Variants in PPP1R9A observed in about 807,000 individuals in gnomAD.
PPP1R9A encodes protein phosphatase 1 regulatory subunit 9A.
A neutral mutation model predicts 141.9 loss-of-function variants in PPP1R9A; 59 were observed. The ratio of observed to expected loss-of-function variants is 0.42; its 90% CI spans 0.34 to 0.52. The LOEUF (loss-of-function observed/expected upper bound fraction) is 0.52. PPP1R9A is among the 20% of genes least tolerant of loss of function. PPP1R9A has a pLI of 0.10. For synonymous variants in PPP1R9A, 500 were observed against 569.7 expected (o/e 0.88, Z 1.74); for missense variants, 1,444 against 1,611.9 (o/e 0.90, Z 1.78).
intron 2 of PPP1R9A, among the ~76,000 whole-genome samples, chr7:94,942,217 T>C (rs1351064613): frequency 6.6e-6 from 1 of 152,186 alleles, no homozygotes; most frequent in African/African-American, 2.4e-5. Flanking sequence ...AGCACTAAAG[T>C]CAATTTTGCT....
Position 95,284,263 on chromosome 7 carries a change from C to T in PPP1R9A, c.3542C>T (p.Pro1181Leu), listed in dbSNP as rs753533184. Residue 1181 changes from proline (P) to leucine (L), a missense_variant, in exon 17 of 20, where the codon CCC becomes CTC. Pro to Leu is a moderately conservative substitution (Grantham distance 98). Around this residue, in one of 5 missense-constraint regions of PPP1R9A, gnomAD observed 459 missense variants for 513.8 expected, o/e 0.89. Coordinates refer to ENST00000433360, the MANE Select transcript of PPP1R9A (RefSeq NM_001166160.2). Reference sequence around the variant, plus strand: ...AAAGCAAACAAGAGAAACCCAAATCCCTCCTCTTCTTCAATCTTTGGAAGG... The same window carrying T: ...AAAGCAAACAAGAGAAACCCAAATCTCTCCTCTTCTTCAATCTTTGGAAGG... ...ITKANKRNPN[P>L]SSSSIFGRHS... 14 of 1,572,784 alleles carry T rather than the reference C, an allele frequency of 8.9e-6. No homozygotes were observed. Among genetic ancestry groups the T allele is most frequent in the Non-Finnish European group, 1.2e-5 (14 of 1,156,596 alleles).
intron 2 of PPP1R9A, among the ~76,000 whole-genome samples, chr7:94,913,498 A>G (rs1278539347): frequency 1.3e-5 from 2 of 152,226 alleles, no homozygotes; most frequent in Non-Finnish European, 2.9e-5. Flanking sequence ...TGAAACAAAG[A>G]TAATGTATTG....
intron 12 of PPP1R9A, among the ~76,000 whole-genome samples, chr7:95,257,348 G>A (rs971885514): frequency 5.3e-5 from 8 of 152,086 alleles, no homozygotes; most frequent in African/African-American, 1.7e-4. Flanking sequence ...GTGGGTAAAG[G>A]ATGGACTAAT....
At chr7:95,023,194 T>C (rs1001345791) in intron 2 of PPP1R9A, among the ~76,000 whole-genome samples, 1 of 152,098 alleles carries the variant, frequency 6.6e-6, no homozygotes, top group African/African-American at 2.4e-5. Context: ...AATTCTTCCT[T>C]GTTTAGACTT....
intron 4 of PPP1R9A, among the ~76,000 whole-genome samples, chr7:95,145,515 A>G (rs763636241): frequency 2.0e-5 from 3 of 152,202 alleles, no homozygotes; most frequent in Non-Finnish European, 4.4e-5. Context: ...AAAGTAGCAA[A>G]TATTGTAGAT....
At chr7:95,103,564 T>G (rs1463341321) in intron 2 of PPP1R9A, among the ~76,000 whole-genome samples, 1 of 151,990 alleles carries the variant, frequency 6.6e-6, no homozygotes, top group East Asian at 1.9e-4. Context: ...GAGACGGGGT[T>G]TCACCGTGTT....
intron 2 of PPP1R9A, among the ~76,000 whole-genome samples, chr7:95,098,647 T>C (rs1294339832): frequency 6.6e-6 from 1 of 152,168 alleles, no homozygotes; most frequent in Non-Finnish European, 1.5e-5. Flanking sequence ...GTCCTTGTGT[T>C]GAGAGCCCCT....
chr7:95,065,372 G>C (rs934572326), intron 2 of PPP1R9A, among the ~76,000 whole-genome samples: 3 of 151,236 alleles, frequency 2.0e-5, no homozygotes, highest in African/African-American at 7.3e-5. Context: ...GCCCCAAGTT[G>C]CTTTCATTTT....
At chr7:95,181,381 G>T (rs1398478475) in intron 5 of PPP1R9A, among the ~76,000 whole-genome samples, 19 of 133,486 alleles carry the variant, frequency 1.4e-4, no homozygotes, top group African/African-American at 5.3e-4. Context: ...AATATATAGA[G>T]AGAATAGAGA....
At chr7:94,993,605 CTT>C (rs918996551) in intron 2 of PPP1R9A, among the ~76,000 whole-genome samples, 17 of 151,284 alleles carry the variant, frequency 1.1e-4, no homozygotes, top group Admixed American at 1.3e-4. Flanking sequence ...ATCTTACACA[CTT>C]TTTTTTTGCT....
At chr7:95,192,584 GTT>G (rs999668783) in intron 5 of PPP1R9A, among the ~76,000 whole-genome samples, 5 of 151,912 alleles carry the variant, frequency 3.3e-5, no homozygotes, top group Non-Finnish European at 7.4e-5. Flanking sequence ...CAGATACTTA[GTT>G]TTTTTAAGGA....
chr7:95,092,526 A>G (rs1817497993), intron 2 of PPP1R9A, among the ~76,000 whole-genome samples: 1 of 152,122 alleles, frequency 6.6e-6, no homozygotes, highest in South Asian at 2.1e-4. Context: ...AATCTTGAAC[A>G]GCTGTTTGAA....
chr7:94,981,171 C>T (rs1800060863), intron 2 of PPP1R9A, among the ~76,000 whole-genome samples: 1 of 152,138 alleles, frequency 6.6e-6, no homozygotes, highest in Admixed American at 6.5e-5. Flanking sequence ...ATGTCACATT[C>T]TTTCTGTTGA....
At chr7:95,229,388 A>G (rs975394941) in intron 8 of PPP1R9A, among the ~76,000 whole-genome samples, 1 of 151,964 alleles carries the variant, frequency 6.6e-6, no homozygotes, top group Non-Finnish European at 1.5e-5. Context: ...CCTGGTCATA[A>G]GCTGCCTGGA....
At chr7:95,025,234 T>G (rs1181356216) in intron 2 of PPP1R9A, among the ~76,000 whole-genome samples, 1 of 152,034 alleles carries the variant, frequency 6.6e-6, no homozygotes, top group Non-Finnish European at 1.5e-5. Context: ...GTCTGGCTAA[T>G]TTTTGTATTT....
At chr7:95,034,070 A>G (rs1161042585) in intron 2 of PPP1R9A, among the ~76,000 whole-genome samples, 1 of 152,110 alleles carries the variant, frequency 6.6e-6, no homozygotes, top group African/African-American at 2.4e-5. Flanking sequence ...TTAGACTGGG[A>G]TAACATTTAG....
At chr7:95,002,981 T>C (rs562774527) in intron 2 of PPP1R9A, among the ~76,000 whole-genome samples, 1 of 152,274 alleles carries the variant, frequency 6.6e-6, no homozygotes, top group East Asian at 1.9e-4. Flanking sequence ...TGAGTCCTGC[T>C]GGTTGGAGAG....
intron 5 of PPP1R9A, among the ~76,000 whole-genome samples, chr7:95,178,387 G>A (rs1178451832): frequency 1.3e-5 from 2 of 152,062 alleles, no homozygotes; most frequent in Non-Finnish European, 2.9e-5. Flanking sequence ...CAAATGTGGT[G>A]CTAAGAGGAA....
intron 5 of PPP1R9A, among the ~76,000 whole-genome samples, chr7:95,178,096 G>C (rs1833166503): frequency 6.6e-6 from 1 of 152,020 alleles, no homozygotes; most frequent in South Asian, 2.1e-4. Flanking sequence ...ATTCAACAGT[G>C]CATGGAACTT....
Sources: allele counts gnomAD v4.1 joint callset (sites outside exome capture counted in the v4.1 genomes callset), GRCh38; gene constraint gnomAD v4.1.1; regional missense constraint gnomAD v4.1.1; transcripts MANE v1.5; gene names NCBI Gene and HGNC (gene_info 2026-07-23, HGNC 2026-07-21).